Variants in IL1RAPL1 observed in about 807,000 individuals in gnomAD.
The protein encoded by IL1RAPL1 is interleukin-1 receptor accessory protein-like 1.
IL1RAPL1 carries 3 observed loss-of-function variants against 48.4 expected under a neutral mutation model. The ratio of observed to expected loss-of-function variants is 0.06; its 90% CI spans 0.03 to 0.16. The LOEUF (loss-of-function observed/expected upper bound fraction) is 0.16, where lower values mean the gene tolerates loss of function less well. Among genes scored for constraint, IL1RAPL1 ranks in the 10% least tolerant of loss-of-function variants. The pLI is 1.00. For synonymous variants in IL1RAPL1, 185 were observed against 187.7 expected, an observed-to-expected ratio of 0.99 and a Z score of 0.12; for missense variants, 349 against 530.6, an observed-to-expected ratio of 0.66 and a Z score of 3.36.
intron 3 of IL1RAPL1, among the ~76,000 whole-genome samples, chrX:29,374,012 T>C (rs1319674927): frequency 9.4e-6 from 1 of 105,865 alleles, no homozygotes; most frequent in Non-Finnish European, 1.9e-5. Context: ...TGGCTGTTTT[T>C]AACGTGCTGC....
At chrX:29,243,344 G>A (rs929188824) in intron 2 of IL1RAPL1, among the ~76,000 whole-genome samples, 3 of 111,869 alleles carry the variant, frequency 2.7e-5, no homozygotes, top group African/African-American at 9.7e-5. Flanking sequence ...CACCTTGCTT[G>A]GTTTGCTTTC....
At chrX:28,767,385 T>A (rs1189965458) in intron 1 of IL1RAPL1, among the ~76,000 whole-genome samples, 1 of 110,988 alleles carries the variant, frequency 9.0e-6, no homozygotes, top group Non-Finnish European at 1.9e-5. Flanking sequence ...ATCTGTGGTC[T>A]ACTTTGACTC....
intron 2 of IL1RAPL1, among the ~76,000 whole-genome samples, chrX:29,169,642 G>T (rs185445682): frequency 9.0e-6 from 1 of 110,829 alleles, no homozygotes; most frequent in African/African-American, 3.3e-5. Flanking sequence ...ATTTCTTAAA[G>T]AGTATTCATC....
At chrX:29,392,499 C>A (rs1933866315) in intron 3 of IL1RAPL1, among the ~76,000 whole-genome samples, 1 of 112,421 alleles carries the variant, frequency 8.9e-6, no homozygotes, top group Non-Finnish European at 1.9e-5. Flanking sequence ...TCGTTGGATA[C>A]TACTTTATTT....
intron 2 of IL1RAPL1, among the ~76,000 whole-genome samples, chrX:29,158,910 T>TTCTTTTCTCTCTCTCTCTCTCTC (rs1555969872): frequency 1.2e-5 from 1 of 84,443 alleles, no homozygotes; most frequent in African/African-American, 5.1e-5. Context: ...TTCTTTTCTT[T>TTCTTTTCTCTCTCTCTCTCTCTC]TCTCTCTCTC....
At chrX:29,634,878 G>A (rs4829120) in intron 5 of IL1RAPL1, among the ~76,000 whole-genome samples, 14,881 of 111,188 alleles carry the variant, frequency 0.13, 1,090 homozygotes, top group African/African-American at 0.27. Context: ...GAAAATAAAG[G>A]CTATTCAGGG....
chrX:29,421,635 G>T (rs1201881282), intron 5 of IL1RAPL1, among the ~76,000 whole-genome samples: 1 of 111,657 alleles, frequency 9.0e-6, no homozygotes, highest in African/African-American at 3.3e-5. Context: ...TCTGGGAAGG[G>T]CATATTTTCT....
intron 5 of IL1RAPL1, among the ~76,000 whole-genome samples, chrX:29,511,347 G>A (rs1290311910): frequency 1.8e-5 from 2 of 111,655 alleles, no homozygotes; most frequent in Admixed American, 1.9e-4. Context: ...TTGCGTATGT[G>A]CCTCAGAGCA....
intron 1 of IL1RAPL1, among the ~76,000 whole-genome samples, chrX:28,772,568 G>A (rs950618082): frequency 9.0e-6 from 1 of 111,729 alleles, no homozygotes; most frequent in Non-Finnish European, 1.9e-5. Context: ...TTCTTAAGGT[G>A]TAAACATTGG....
At chrX:29,355,710 G>C (rs1306778978) in intron 3 of IL1RAPL1, among the ~76,000 whole-genome samples, 1 of 111,929 alleles carries the variant, frequency 8.9e-6, no homozygotes, top group Non-Finnish European at 1.9e-5. Context: ...AGAGGAAAAA[G>C]ACCGTATCTG....
chrX:28,668,451 G>C (rs892093305), intron 1 of IL1RAPL1, among the ~76,000 whole-genome samples: 6 of 112,117 alleles, frequency 5.4e-5, no homozygotes, highest in Non-Finnish European at 1.1e-4. Flanking sequence ...GTAGAGACAG[G>C]GTTACGCCGT....
intron 1 of IL1RAPL1, among the ~76,000 whole-genome samples, chrX:28,763,013 A>G (rs1337998876): frequency 9.0e-6 from 1 of 111,425 alleles, no homozygotes; most frequent in African/African-American, 3.3e-5. Flanking sequence ...CATTGACACA[A>G]ATAACTCCAA....
intron 6 of IL1RAPL1, among the ~76,000 whole-genome samples, chrX:29,830,509 G>A (rs1342552226): frequency 9.3e-6 from 1 of 106,974 alleles, no homozygotes; most frequent in Admixed American, 1.0e-4. Context: ...GAGTGCAATG[G>A]GGCAATCTCA....
At chrX:29,892,042 T>C (rs1932283955) in intron 6 of IL1RAPL1, among the ~76,000 whole-genome samples, 2 of 112,160 alleles carry the variant, frequency 1.8e-5, no homozygotes. Context: ...TATATACATT[T>C]CCAAAAGTTA....
At chrX:29,680,866 C>T (rs1408605430) in intron 6 of IL1RAPL1, among the ~76,000 whole-genome samples, 1 of 111,738 alleles carries the variant, frequency 8.9e-6, no homozygotes, top group East Asian at 2.8e-4. Flanking sequence ...CAACTCTAGA[C>T]CTGCATTCAT....
In IL1RAPL1 at chrX:29,460,320, G is replaced by T. The variant is rs181756145; in HGVS notation, c.703+61012G>T. 4.7e-3 allele frequency among the ~76,000 whole-genome samples: 530 copies of T among 111,837 alleles called. 3 individuals carry two copies. The highest frequency in any genetic ancestry group is 0.017 in the African/African-American group (512 of 30,750). ...AGTTTATATCTCCCCACCTGGAGTG[G>T]ACTGCATCTTGGGTCTTTGCTCAAC... On this transcript the variant is annotated intron_variant, in intron 5 of 10. Transcript: ENST00000378993.
At chrX:29,099,138 G>A (rs192574701) in intron 2 of IL1RAPL1, among the ~76,000 whole-genome samples, 8 of 105,468 alleles carry the variant, frequency 7.6e-5, no homozygotes, top group African/African-American at 2.9e-4. Context: ...GGTGACAAGA[G>A]TGAAACTGCG....
intron 6 of IL1RAPL1, among the ~76,000 whole-genome samples, chrX:29,872,016 C>T (rs900695577): frequency 2.7e-5 from 3 of 111,642 alleles, no homozygotes; most frequent in East Asian, 2.8e-4. Context: ...CCACTGTGCC[C>T]GGCCCAATCT....
chrX:29,272,760 C>T (rs751118191), intron 2 of IL1RAPL1, among the ~76,000 whole-genome samples: 1 of 111,830 alleles, frequency 8.9e-6, no homozygotes, highest in African/African-American at 3.2e-5. Flanking sequence ...TTCTTTCTGT[C>T]TTTCGGGGAT....
Sources: allele counts gnomAD v4.1 joint callset (sites outside exome capture counted in the v4.1 genomes callset), GRCh38; gene constraint gnomAD v4.1.1; transcripts MANE v1.5; gene names NCBI Gene and HGNC (gene_info 2026-07-23, HGNC 2026-07-21).